Variants in PCA3 observed in about 807,000 individuals in gnomAD.
PCA3 encodes the protein Differential Display code 3.
At chr9:76,775,931 C>T (rs959029970) in intron 2 of PCA3, among the ~76,000 whole-genome samples, 10 of 151,104 alleles carry the variant, frequency 6.6e-5, no homozygotes, top group African/African-American at 2.4e-4. Context: ...CATCCCTAAA[C>T]CTAATTCCAC....
intron 2 of PCA3, among the ~76,000 whole-genome samples, chr9:76,766,413 CTCTTT>C (rs1394010488): frequency 4.6e-5 from 7 of 151,994 alleles, no homozygotes; most frequent in African/African-American, 1.7e-4. Context: ...AGTCAGCTTT[CTCTTT>C]TCTTATGTCT....
intron 2 of PCA3, among the ~76,000 whole-genome samples, chr9:76,766,093 G>T (rs1054275240): frequency 4.0e-5 from 6 of 150,264 alleles, no homozygotes; most frequent in Non-Finnish European, 3.0e-5. Context: ...TGAGGCAGGA[G>T]AATCGCTTGA....
At chr9:76,764,847 T>A (rs1395140335) in intron 2 of PCA3, among the ~76,000 whole-genome samples, 1 of 152,082 alleles carries the variant, frequency 6.6e-6, no homozygotes, top group Admixed American at 6.6e-5. Context: ...GGAAGGTACT[T>A]GATATTAGAG....
In PCA3 at chr9:76,776,820, G is replaced by GTT. The variant is rs200859225; in HGVS notation, n.853-31750_853-31749dup. ...TATGAGCCACTGTGTCCAGCCAGCA[G>GTT]TTTTTTTTTTTTTTGTATGTTTGAA... On this transcript the variant is annotated intron_variant and non_coding_transcript_variant, in intron 2 of 5. Coordinates refer to ENST00000644657, the Ensembl canonical transcript of PCA3. 6.2e-3 allele frequency among the ~76,000 whole-genome samples: 796 copies of GTT among 128,958 alleles called. 15 individuals carry two copies. Among genetic ancestry groups the GTT allele is most frequent in the African/African-American group, 0.022 (744 of 34,340 alleles). The allele number at this position is 128,958 out of a possible 152,430, so 84.6% of individuals were successfully genotyped here.
intron 2 of PCA3, among the ~76,000 whole-genome samples, chr9:76,774,466 T>TATTTATTTA (rs1419033422): frequency 2.3e-5 from 1 of 43,472 alleles, no homozygotes; most frequent in Non-Finnish European, 4.2e-5. Flanking sequence ...TTTTTTTTTT[T>TATTTATTTA]TTTTTTTTTT....
rs565610601 is a variant in PCA3 at position 76,765,800 on chromosome 9, T to C, written n.852+29185T>C. The stretch of plus-strand genomic sequence containing the variant: ...AAACCAGTGCTTTTCTGGGACTCAC[T>C]TTCCTTATCTATGAAATGGAGAGGT... On this transcript the variant is annotated intron_variant and non_coding_transcript_variant, in intron 2 of 5. Transcript: ENST00000644657. Among the ~76,000 whole-genome samples the C allele has an allele frequency of 4.6e-5, 7 of 152,322 alleles. No individual in the cohort carries two copies. The South Asian group carries it at 1.4e-3, about 32-fold the overall frequency.
At chr9:76,778,239 G>C (rs1589174401) in intron 2 of PCA3, among the ~76,000 whole-genome samples, 1 of 152,164 alleles carries the variant, frequency 6.6e-6, no homozygotes, top group Non-Finnish European at 1.5e-5. Flanking sequence ...GCCAGGCGTT[G>C]ATCTCATTCA....
At chr9:76,786,912 C>G (rs1254404752) in intron 2 of PCA3, 1 of 152,220 alleles carries the variant, frequency 6.6e-6, no homozygotes, top group Non-Finnish European at 1.5e-5. Flanking sequence ...TACATGCATG[C>G]AAGACTGCTG....
intron 2 of PCA3, among the ~76,000 whole-genome samples, chr9:76,765,054 TCAAG>T (rs2052185916): frequency 6.6e-6 from 1 of 152,170 alleles, no homozygotes; most frequent in Non-Finnish European, 1.5e-5. Flanking sequence ...AATGGAGATA[TCAAG>T]CAGGCAAGTT....
chr9:76,780,801 A>G (rs997896871), intron 2 of PCA3, among the ~76,000 whole-genome samples: 2 of 152,244 alleles, frequency 1.3e-5, no homozygotes, highest in Non-Finnish European at 2.9e-5. Flanking sequence ...ACAGCTACTG[A>G]GAACCAATGA....
chr9:76,775,718 A>G (rs753914537), intron 2 of PCA3, among the ~76,000 whole-genome samples: 72 of 152,232 alleles, frequency 4.7e-4, no homozygotes, highest in Non-Finnish European at 7.6e-4. Context: ...CTTGGATGTG[A>G]AAATAGTTGT....
At chr9:76,786,130 A>C (rs2054948950) in intron 2 of PCA3, 1 of 152,150 alleles carries the variant, frequency 6.6e-6, no homozygotes, top group South Asian at 2.1e-4. Flanking sequence ...CCAGAATTTG[A>C]ATTCCCTCAT....
chr9:76,772,374 C>T (rs2053209502), intron 2 of PCA3, among the ~76,000 whole-genome samples: 1 of 151,902 alleles, frequency 6.6e-6, no homozygotes, highest in South Asian at 2.1e-4. Flanking sequence ...ATTTTGGGGG[C>T]TATGCAACCA....
At chr9:76,780,995 T>A (rs1002462023) in intron 2 of PCA3, among the ~76,000 whole-genome samples, 1 of 152,168 alleles carries the variant, frequency 6.6e-6, no homozygotes, top group African/African-American at 2.4e-5. Flanking sequence ...CCATGACATT[T>A]TTTCCTCCCT....
chr9:76,772,296 C>T (rs1399605659), intron 2 of PCA3, among the ~76,000 whole-genome samples: 1 of 152,032 alleles, frequency 6.6e-6, no homozygotes, highest in Non-Finnish European at 1.5e-5. Flanking sequence ...CAGGGATGGA[C>T]TCTTCAATAG....
intron 2 of PCA3, among the ~76,000 whole-genome samples, chr9:76,765,814 A>T (rs1778652397): frequency 6.6e-6 from 1 of 152,202 alleles, no homozygotes; most frequent in African/African-American, 2.4e-5. Flanking sequence ...CTTATCTATG[A>T]AATGGAGAGG....
intron 2 of PCA3, among the ~76,000 whole-genome samples, chr9:76,776,540 G>A (rs1346045034): frequency 1.2e-5 from 1 of 83,858 alleles, no homozygotes; most frequent in Non-Finnish European, 2.0e-5. Context: ...TTTTTGAGAT[G>A]AGTCTCGCTC....
At chr9:76,768,365 G>T (rs2052666007) in intron 2 of PCA3, among the ~76,000 whole-genome samples, 1 of 151,956 alleles carries the variant, frequency 6.6e-6, no homozygotes, top group South Asian at 2.1e-4. Flanking sequence ...GTTAATTTTT[G>T]TATTTTTAGT....
At chr9:76,786,280 G>A (rs930251258) in intron 2 of PCA3, 23 of 152,112 alleles carry the variant, frequency 1.5e-4, no homozygotes, top group Admixed American at 6.6e-4. Context: ...GCTCATAGGA[G>A]AGAATATAAG....
Sources: allele counts gnomAD v4.1 joint callset (sites outside exome capture counted in the v4.1 genomes callset), GRCh38; gene constraint gnomAD v4.1.1; transcripts MANE v1.5; gene names NCBI Gene and HGNC (gene_info 2026-07-23, HGNC 2026-07-21).